RFC3: variants seen among roughly 807,000 people sequenced by gnomAD.
RFC3 encodes replication factor C subunit 3, also known as A1 38 kDa subunit.
Under a neutral mutation model 45.1 loss-of-function variants are expected in RFC3, and 41 were observed. The ratio of observed to expected loss-of-function variants is 0.91; its 90% CI spans 0.71 to 1.18. The LOEUF (loss-of-function observed/expected upper bound fraction) is 1.18. Among genes scored for constraint, RFC3 ranks in the 50% most tolerant of loss-of-function variants. The pLI is 0.00. For synonymous variants in RFC3, 149 were observed against 144.0 expected (o/e 1.03, Z -0.25); for missense variants, 423 against 428.1 (o/e 0.99, Z 0.10).
chr13:33,887,368 C>T (rs1434592925), intron 8 of RFC3, among the ~76,000 whole-genome samples: 2 of 151,612 alleles, frequency 1.3e-5, no homozygotes, highest in Non-Finnish European at 2.9e-5. Flanking sequence ...TTTTGATTTG[C>T]GTTTCTCTGA....
chr13:33,933,615 A>T (rs1435784616), intron 8 of RFC3, among the ~76,000 whole-genome samples: 1 of 152,172 alleles, frequency 6.6e-6, no homozygotes, highest in East Asian at 1.9e-4. Context: ...TAATGTACAA[A>T]GTATTTCATT....
chr13:33,885,242 A>G (rs2082512939), intron 8 of RFC3, among the ~76,000 whole-genome samples: 1 of 152,218 alleles, frequency 6.6e-6, no homozygotes, highest in South Asian at 2.1e-4. Context: ...TCATAGAATA[A>G]TATCATACTA....
intron 8 of RFC3, among the ~76,000 whole-genome samples, chr13:33,964,445 A>G (rs138366016): frequency 2.8e-4 from 43 of 152,286 alleles, no homozygotes; most frequent in African/African-American, 9.9e-4. Context: ...GGATCCCCAA[A>G]TCATTCTGTT....
At position 33,892,726 on chromosome 13, in the gene RFC3, C is replaced by T. The variant is rs1216602140; in HGVS notation, c.879+57509C>T. On this transcript the variant is annotated intron_variant, in intron 8 of 8. Transcript: ENST00000434425. ...TGTAGAAGCAAGATGACCTCACTCC[C>T]CCAGACAAAAACCAAAAACAAATAG... is the stretch of plus-strand genomic sequence containing the variant. Among the ~76,000 whole-genome samples the T allele has an allele frequency of 3.9e-5, 6 of 152,174 alleles. No individual in the cohort carries two copies. In the East Asian group the frequency reaches 1.2e-3, roughly 29 times the overall value.
chr13:33,827,995 GGAA>G (rs2082066363), intron 4 of RFC3, among the ~76,000 whole-genome samples: 1 of 151,000 alleles, frequency 6.6e-6, no homozygotes, highest in African/African-American at 2.4e-5. Context: ...TCTTGCCAAA[GGAA>G]GAAAAAAAAA....
intron 8 of RFC3, among the ~76,000 whole-genome samples, chr13:33,957,892 TC>T (rs2083031782): frequency 6.6e-6 from 1 of 152,156 alleles, no homozygotes; most frequent in Non-Finnish European, 1.5e-5. Context: ...TACAGGTTGT[TC>T]CTGAACTTTT....
chr13:33,845,636 G>T (rs1021807521), intron 8 of RFC3, among the ~76,000 whole-genome samples: 1 of 152,074 alleles, frequency 6.6e-6, no homozygotes, highest in Non-Finnish European at 1.5e-5. Flanking sequence ...ATTTTTCAAT[G>T]TCTTTGTTAC....
rs77450080 is a variant in RFC3, at chr13:33,953,870, T to A, written c.880-12217T>A. Among the ~76,000 whole-genome samples the A allele has an allele frequency of 2.0e-5, 3 of 152,342 alleles. No homozygotes were observed. In the East Asian group the frequency reaches 5.8e-4, roughly 29 times the overall value. On this transcript the variant is annotated intron_variant, in intron 8 of 8. Transcript: ENST00000434425. The stretch of plus-strand genomic sequence containing the variant: ...TAAAACTAAAAACCTACTTGGAGAA[T>A]TATGAATGTTAGGTAACATATACAG...
At chr13:33,958,434 T>A (rs535470989) in intron 8 of RFC3, among the ~76,000 whole-genome samples, 3 of 152,202 alleles carry the variant, frequency 2.0e-5, no homozygotes, top group Non-Finnish European at 4.4e-5. Context: ...TATAATCAAG[T>A]GAAGCTTTTC....
chr13:33,820,920 TA>T (rs2081996765), intron 1 of RFC3, among the ~76,000 whole-genome samples: 3 of 148,216 alleles, frequency 2.0e-5, no homozygotes, highest in Non-Finnish European at 4.5e-5. Flanking sequence ...TATTTATATA[TA>T]TATATATATA....
intron 8 of RFC3, among the ~76,000 whole-genome samples, chr13:33,895,440 AC>A (rs932346880): frequency 3.9e-4 from 59 of 152,316 alleles, no homozygotes; most frequent in African/African-American, 1.3e-3. Context: ...AAAGTGGGAT[AC>A]CACCTTACTC....
At chr13:33,935,726 T>C (rs1422101678) in intron 8 of RFC3, among the ~76,000 whole-genome samples, 2 of 152,202 alleles carry the variant, frequency 1.3e-5, no homozygotes, top group Admixed American at 1.3e-4. Context: ...CTGTCACTCA[T>C]GAGCATGTTC....
chr13:33,908,496 AATT>A (rs1368274043), intron 8 of RFC3, among the ~76,000 whole-genome samples: 7 of 151,802 alleles, frequency 4.6e-5, no homozygotes, highest in Admixed American at 1.3e-4. Context: ...TTGGCTGGAG[AATT>A]ATTATTATTG....
intron 8 of RFC3, among the ~76,000 whole-genome samples, chr13:33,914,928 A>G (rs548964158): frequency 6.6e-6 from 1 of 152,152 alleles, no homozygotes; most frequent in African/African-American, 2.4e-5. Flanking sequence ...AGAAGAGTGG[A>G]ATATTCTTTT....
chr13:33,823,373 G>T (rs1160510105), intron 2 of RFC3, among the ~76,000 whole-genome samples: 2 of 152,118 alleles, frequency 1.3e-5, no homozygotes. Context: ...TTTGAGTTCA[G>T]AAAACAAAAT....
chr13:33,848,144 TCA>T (rs2082251896), intron 8 of RFC3: 1 of 152,234 alleles, frequency 6.6e-6, no homozygotes, highest in Admixed American at 6.5e-5. Flanking sequence ...CACAGATACT[TCA>T]GAGACATCTC....
At chr13:33,825,721 C>G in intron 3 of RFC3, 68 bp from the exon 4 acceptor site, 1 of 825,358 alleles carries the variant, frequency 1.2e-6, no homozygotes. Flanking sequence ...CACTTAAGAA[C>G]TTCACCATTT....
In RFC3 at chr13:33,836,253, TAAG is replaced by T. The variant is rs763056755; in HGVS notation, c.1033_1035del (p.Lys345del). The T allele has an allele frequency of 6.2e-7, 1 of 1,613,424 alleles. No homozygotes were observed. The highest frequency in any genetic ancestry group is 1.1e-5 in the South Asian group (1 of 91,064). ...TTGTGGCCAAATTCATGGCACTTTA[TAAG>T]AAGTTCATGGAGGATGGATTGGAAG... On this transcript the variant is annotated inframe_deletion, in exon 9 of 9. Transcript: ENST00000380071.
rs1010572389 is a variant in RFC3 at position 33,829,450 on chromosome 13, G to A, written c.392-386G>A. 111 of 198,528 alleles carry A rather than the reference G, an allele frequency of 5.6e-4. 1 individual carries two copies. The highest frequency in any genetic ancestry group is 2.5e-3 in the African/African-American group (105 of 41,970). 12.3% of individuals were successfully genotyped at this position (198,528 alleles called of 1,614,324 possible). On this transcript the variant is annotated intron_variant, in intron 4 of 8. Coordinates refer to ENST00000380071, the MANE Select transcript of RFC3 (RefSeq NM_002915.4). The stretch of plus-strand genomic sequence containing the variant: ...GCATATAAATAATAAAGGTTGCAAT[G>A]ATTTCTACTACAAAGTGACCTTTTA...
Sources: allele counts gnomAD v4.1 joint callset (sites outside exome capture counted in the v4.1 genomes callset), GRCh38; gene constraint gnomAD v4.1.1; transcripts MANE v1.5; gene names NCBI Gene and HGNC (gene_info 2026-07-23, HGNC 2026-07-21).